Variants in ARMC2 observed in about 807,000 individuals in gnomAD.
The protein encoded by ARMC2 is armadillo repeat containing 2.
Under a neutral mutation model 90.3 loss-of-function variants are expected in ARMC2, and 67 were observed. The ratio of observed to expected loss-of-function variants is 0.74; its 90% CI spans 0.61 to 0.91. ARMC2 has a LOEUF of 0.91. ARMC2 is among the 40% of genes least tolerant of loss of function. ARMC2 has a pLI of 0.00. For missense variants in ARMC2, 920 were observed against 1,030.9 expected, an observed-to-expected ratio of 0.89 and a Z score of 1.47; for synonymous variants, 393 against 393.0, an observed-to-expected ratio of 1.00 and a Z score of 0.00.
At chr6:108,881,838 G>C (rs925357332) in intron 5 of ARMC2, among the ~76,000 whole-genome samples, 2 of 152,188 alleles carry the variant, frequency 1.3e-5, no homozygotes, top group African/African-American at 4.8e-5. Flanking sequence ...GTCAGCAAAG[G>C]TAATGGATTT....
At chr6:108,987,718 GTACACTTCC>G in the ARMC2 span, 75 of 701,774 alleles carry the variant, frequency 1.1e-4, no homozygotes, top group African/African-American at 1.1e-3. Context: ...CATAAAATAA[GTACACTTCC>G]TACACTTCCT....
At chr6:109,001,929 TC>T in the ARMC2 span, among the ~76,000 whole-genome samples, 504 of 152,288 alleles carry the variant, frequency 3.3e-3, no homozygotes, top group African/African-American at 9.8e-3. Context: ...AAAGATCCAA[TC>T]TAGCACTGAT....
intron 12 of ARMC2, among the ~76,000 whole-genome samples, chr6:108,937,830 G>A (rs927488741): frequency 1.3e-5 from 2 of 152,084 alleles, no homozygotes; most frequent in Non-Finnish European, 2.9e-5. Context: ...GAGTAGCTGG[G>A]ACTACAGGCG....
At chr6:108,876,111 T>C in intron 4 of ARMC2, 32 bp from the exon 5 acceptor site, 1 of 1,525,354 alleles carries the variant, frequency 6.6e-7, no homozygotes, top group East Asian at 2.3e-5. Context: ...ATAAGAATAC[T>C]TCAACAAAAT....
downstream of ARMC2, among the ~76,000 whole-genome samples, chr6:108,976,405 T>C (rs1169911121): frequency 1.3e-5 from 2 of 152,232 alleles, no homozygotes; most frequent in Admixed American, 6.5e-5. Context: ...TTTTTTACTG[T>C]AGCCTTGTAG....
intron 10 of ARMC2, among the ~76,000 whole-genome samples, chr6:108,918,038 G>A (rs1015173372): frequency 6.6e-6 from 1 of 152,114 alleles, no homozygotes; most frequent in African/African-American, 2.4e-5. Flanking sequence ...GTAGGAAGTA[G>A]GAGATATGAG....
the ARMC2 span, among the ~76,000 whole-genome samples, chr6:108,984,890 A>G: frequency 1.3e-5 from 2 of 152,068 alleles, no homozygotes; most frequent in East Asian, 3.9e-4. Flanking sequence ...CATTTGCCTA[A>G]ATGCTGCAGT....
the ARMC2 span, among the ~76,000 whole-genome samples, chr6:109,008,251 G>A: frequency 6.6e-6 from 1 of 152,150 alleles, no homozygotes; most frequent in Admixed American, 6.5e-5. Flanking sequence ...GATGATTGGG[G>A]CTCACTTCTA....
At chr6:108,868,453 G>A (rs193170372) in intron 3 of ARMC2, among the ~76,000 whole-genome samples, 258 of 152,260 alleles carry the variant, frequency 1.7e-3, no homozygotes, top group South Asian at 4.8e-3. Flanking sequence ...CTGACCTCAA[G>A]TGATCCACCT....
rs1053169230 is a variant in ARMC2, at chr6:108,886,267, A to T, written c.672-8200A>T. Among the ~76,000 whole-genome samples, 5 of 152,258 alleles carry T rather than the reference A, an allele frequency of 3.3e-5. No individual in the cohort carries two copies. The East Asian group carries it at 9.7e-4, about 29-fold the overall frequency. ...ATTCCTCCAAAGTAGGAATAAACAA[A>T]CTACAGCCAGCCAGGTCCGGTGGCT... is the stretch of plus-strand genomic sequence containing the variant. On this transcript the variant is annotated intron_variant, in intron 5 of 17. Transcript: ENST00000392644.
intron 5 of ARMC2, among the ~76,000 whole-genome samples, chr6:108,888,792 C>G (rs1194035867): frequency 6.6e-6 from 1 of 152,172 alleles, no homozygotes; most frequent in Non-Finnish European, 1.5e-5. Context: ...CCTTGACTTA[C>G]GGAACCTCTT....
chr6:108,927,467 A>G (rs1413840419), intron 10 of ARMC2, among the ~76,000 whole-genome samples: 1 of 152,236 alleles, frequency 6.6e-6, no homozygotes. Context: ...TAAAATTATT[A>G]GATAACAACA....
chr6:108,923,719 G>A (rs928434737), intron 10 of ARMC2, among the ~76,000 whole-genome samples: 2 of 151,458 alleles, frequency 1.3e-5, no homozygotes. Flanking sequence ...GCTCTCAGAG[G>A]TTGGTGACAA....
At chr6:108,881,536 A>G (rs1777584240) in intron 5 of ARMC2, among the ~76,000 whole-genome samples, 1 of 152,170 alleles carries the variant, frequency 6.6e-6, no homozygotes, top group African/African-American at 2.4e-5. Context: ...AGAAAGATGT[A>G]CTCAATATTT....
intron 6 of ARMC2, among the ~76,000 whole-genome samples, chr6:108,897,270 A>G (rs1051345930): frequency 2.6e-5 from 4 of 152,218 alleles, no homozygotes; most frequent in African/African-American, 7.2e-5. Flanking sequence ...CAATGTGTAT[A>G]CCATATTGAC....
rs114398565 is a variant in ARMC2 at position 108,868,784 on chromosome 6, C to T, written c.292-40C>T. 2.3e-3 allele frequency: 3,637 copies of T among 1,597,870 alleles called. 48 individuals are homozygous for T. The African/African-American group carries it at 0.032, about 14-fold the overall frequency. ...TCTGAGGTAAGTGTTATTTGAGACG[C>T]AGAAAGTCATTCCAGTTATTTAAAA... On this transcript the variant is annotated intron_variant, in intron 3 of 17. Transcript: ENST00000392644.
At chr6:109,009,094 T>A in the ARMC2 span, 1 of 795,052 alleles carries the variant, frequency 1.3e-6, no homozygotes, top group East Asian at 3.9e-5. Context: ...GCGGCCGCAG[T>A]CTCTCCCAGC....
chr6:108,963,531 GGGA>G (rs1778146062), intron 15 of ARMC2, among the ~76,000 whole-genome samples: 1 of 152,212 alleles, frequency 6.6e-6, no homozygotes, highest in African/African-American at 2.4e-5. Context: ...CACGTACTGT[GGGA>G]GGAGGCAGAA....
chr6:108,903,695 C>T (rs930453166), intron 7 of ARMC2, among the ~76,000 whole-genome samples: 5 of 152,052 alleles, frequency 3.3e-5, no homozygotes, highest in African/African-American at 4.8e-5. Context: ...CACACACATA[C>T]GTACATGAAA....
Sources: gnomAD v4.1 joint callset for allele counts (sites outside exome capture counted in the v4.1 genomes callset) on GRCh38, gnomAD v4.1.1 for gene constraint, MANE v1.5 for transcripts, NCBI Gene and HGNC (gene_info 2026-07-23, HGNC 2026-07-21) for gene names.